The following ACADVL variants were observed in gnomAD, a reference collection of about 807,000 sequenced individuals.
ACADVL encodes the protein acyl-CoA dehydrogenase very long chain, also known as very long-chain acyl-CoA dehydrogenase, mitochondrial.
In ACADVL, 73 loss-of-function variants were observed where a neutral mutation model predicts 80.4. The ratio of observed to expected loss-of-function variants is 0.91; its 90% CI spans 0.75 to 1.10. The LOEUF (loss-of-function observed/expected upper bound fraction) is 1.10, where lower values mean the gene tolerates loss of function less well. Among genes scored for constraint, ACADVL ranks in the 50% least tolerant of loss-of-function variants. The probability of loss-of-function intolerance (pLI) is 0.00; values close to 1 mark genes in which losing one functional copy is unlikely to be tolerated. For synonymous variants in ACADVL, 392 were observed against 326.5 expected (o/e 1.20, Z -2.16); for missense variants, 878 against 858.9 (o/e 1.02, Z -0.28).
chr17:7,217,801 G>T, upstream of ACADVL: 1 of 1,535,324 alleles, frequency 6.5e-7, no homozygotes, highest in South Asian at 1.2e-5. Flanking sequence ...CACCAGCGAT[G>T]ACAGCAAAGA....
upstream of ACADVL, chr17:7,217,573 A>G (rs2070987271): frequency 1.5e-5 from 19 of 1,308,540 alleles, no homozygotes; most frequent in South Asian, 2.6e-4. Context: ...GGGGGGTTGG[A>G]AACGGCAGCG....
Position 7,222,529 on chromosome 17 carries a change from A to AG in ACADVL, c.879-134dup. 3.4e-6 allele frequency: 4 copies of AG among 1,174,286 alleles called. No individual in the cohort carries two copies. In the South Asian group the frequency reaches 5.4e-5, roughly 16 times the overall value. The allele number at this position is 1,174,286 out of a possible 1,614,324, so 72.7% of individuals were successfully genotyped here. A position where few individuals can be genotyped will look rare whatever the true frequency, so the allele number is the denominator to read the frequency against. The stretch of plus-strand genomic sequence containing the variant: ...AGGCCTCCTTAGCCCTCAGGGCCTG[A>AG]GGGGAAGTGGTGGCTGTAGCCTCTA... On this transcript the variant is annotated intron_variant, in intron 9 of 19. Coordinates refer to ENST00000356839, the MANE Select transcript of ACADVL (RefSeq NM_000018.4).
Position 7,223,858 on chromosome 17 carries a change from G to A in ACADVL, c.1315G>A (p.Gly439Ser). The A allele has an allele frequency of 6.2e-7, 1 of 1,614,084 alleles. No individual in the cohort carries two copies. Among genetic ancestry groups the A allele is most frequent in the African/African-American group, 1.3e-5 (1 of 75,028 alleles). ...VTDECIQIMG[G>S]MGFMKEPGVE... Reference sequence around the variant, plus strand: ...AGATGAATGCATCCAAATCATGGGGGGTATGGGCTTCATGAAGGTACAGGA... The same window carrying A: ...AGATGAATGCATCCAAATCATGGGGAGTATGGGCTTCATGAAGGTACAGGA... The change falls in exon 13 of 20, where the codon GGT becomes AGT. Residue 439 changes from glycine to serine, a missense_variant. Coordinates refer to ENST00000356839, the MANE Select transcript of ACADVL (RefSeq NM_000018.4).
chr17:7,221,207 TAACAC>T, intron 6 of ACADVL, 149 bp downstream of exon 6: 2 of 1,343,734 alleles, frequency 1.5e-6, no homozygotes, highest in Non-Finnish European at 2.1e-6. Flanking sequence ...TGTCCAAACA[TAACAC>T]AATTTACATG....
intron 9 of ACADVL, 57 bp downstream of exon 9, chr17:7,222,359 G>A: frequency 6.3e-7 from 1 of 1,595,966 alleles, no homozygotes; most frequent in East Asian, 2.2e-5. Flanking sequence ...GGGCTCCTGG[G>A]CAGATGGCTG....
In ACADVL at chr17:7,220,921, C is replaced by T. The variant is rs745623816; in HGVS notation, c.343-3C>T. On this transcript the variant is annotated splice_polypyrimidine_tract_variant and splice_region_variant and intron_variant, in intron 5 of 19. Coordinates refer to ENST00000356839, the MANE Select transcript of ACADVL (RefSeq NM_000018.4). Reference sequence around the variant, plus strand: ...TGGATGTGGGATCCTGTGCCTTCCCCAGGAAGTGAACGATCCCGCCAAGAA... The same window carrying T: ...TGGATGTGGGATCCTGTGCCTTCCCTAGGAAGTGAACGATCCCGCCAAGAA... 1.2e-6 allele frequency: 2 copies of T among 1,614,080 alleles called. No homozygotes were observed. Among genetic ancestry groups the T allele is most frequent in the Non-Finnish European group, 1.7e-6 (2 of 1,180,036 alleles).
At chr17:7,223,306 C>T (rs1272003833) in intron 11 of ACADVL, 69 bp downstream of exon 11, 1 of 1,411,684 alleles carries the variant, frequency 7.1e-7, no homozygotes, top group South Asian at 1.2e-5. Flanking sequence ...AGACTACAAC[C>T]CCCAGCAGCA....
chr17:7,222,362 G>A, intron 9 of ACADVL, 60 bp downstream of exon 9: 1 of 1,593,980 alleles, frequency 6.3e-7, no homozygotes, highest in Non-Finnish European at 8.6e-7. Context: ...CTCCTGGGCA[G>A]ATGGCTGTTG....
intron 10 of ACADVL, 43 bp downstream of exon 10, chr17:7,222,908 C>T (rs1335882603): frequency 6.2e-7 from 1 of 1,600,244 alleles, no homozygotes; most frequent in South Asian, 1.1e-5. Flanking sequence ...AAACAGAAGT[C>T]TCACTGTCCC....
chr17:7,218,637 G>GTAA (rs769269234), upstream of ACADVL: 4 of 1,560,082 alleles, frequency 2.6e-6, no homozygotes, highest in Non-Finnish European at 3.5e-6. Context: ...GCTGACCTGG[G>GTAA]AGCTAGTGAG....
intron 12 of ACADVL, 29 bp from the exon 13 acceptor site, chr17:7,223,784 A>G: frequency 1.2e-6 from 2 of 1,614,122 alleles, no homozygotes; most frequent in Non-Finnish European, 8.5e-7. Flanking sequence ...CAGCTCCCAA[A>G]ACCAGTCTCA....
upstream of ACADVL, chr17:7,217,422 C>CG: frequency 7.5e-6 from 1 of 133,698 alleles, no homozygotes; most frequent in Non-Finnish European, 1.2e-5. Context: ...GCGGGGGCAC[C>CG]GGGGGCTGGC....
At position 7,222,320 on chromosome 17, in the gene ACADVL, G is replaced by T. The variant is rs769210195; in HGVS notation, c.878+18G>T. 1.2e-5 allele frequency: 20 copies of T among 1,612,932 alleles called. No individual in the cohort carries two copies. The highest frequency in any genetic ancestry group is 1.5e-5 in the Non-Finnish European group (18 of 1,179,486). ...ATTACCCAGTGAGTGAATTTGGGTT[G>T]GGGGAGCTTAGGACTGAGGGGCAGG... On this transcript the variant is annotated intron_variant, in intron 9 of 19. Coordinates refer to ENST00000356839, the MANE Select transcript of ACADVL (RefSeq NM_000018.4).
upstream of ACADVL, chr17:7,218,841 C>T: frequency 6.2e-7 from 1 of 1,613,840 alleles, no homozygotes; most frequent in South Asian, 1.1e-5. Context: ...CTCTTGGTCT[C>T]TGGGACATCT....
upstream of ACADVL, chr17:7,217,587 G>A (rs1034877352): frequency 1.3e-5 from 18 of 1,388,288 alleles, no homozygotes; most frequent in Admixed American, 2.3e-4. Flanking sequence ...GGCAGCGGCC[G>A]AGGGAGCCGT....
At position 7,224,973 on chromosome 17, in the gene ACADVL, G is replaced by T. The variant is rs148584617; in HGVS notation, c.1844G>T (p.Arg615Leu). ...TCTCCCCAGGCTGCAGCTCGGATCC[G>T]AGAGGGCATGGCCGCCCTGCAGTCT... The part of the protein sequence containing the change: ...TWCIEAAARI[R>L]EGMAALQSDP... Residue 615 changes from arginine (R) to leucine (L), a missense_variant, in exon 20 of 20, where the codon CGA (arginine) becomes CTA (leucine). Physicochemically the swap from Arg to Leu is moderately radical, Grantham distance 102. Coordinates refer to ENST00000356839, the MANE Select transcript of ACADVL (RefSeq NM_000018.4). 1 of 1,614,080 alleles carries T rather than the reference G, an allele frequency of 6.2e-7. No homozygotes were observed. Among genetic ancestry groups the T allele is most frequent in the South Asian group, 1.1e-5 (1 of 91,088 alleles).
chr17:7,224,752 G>GC, intron 18 of ACADVL, 38 bp downstream of exon 18: 1 of 1,612,708 alleles, frequency 6.2e-7, no homozygotes, highest in South Asian at 1.1e-5. Context: ...GCCGCAGGGG[G>GC]CCTGGGCCTG....
chr17:7,224,917 G>A, intron 19 of ACADVL, 33 bp downstream of exon 19: 1 of 1,614,050 alleles, frequency 6.2e-7, no homozygotes, highest in Non-Finnish European at 8.5e-7. Flanking sequence ...TCAGGTGAGG[G>A]CTGGAGGTGC....
Position 7,221,992 on chromosome 17 carries a change from C to T in ACADVL, c.663C>T (p.Ser221=), listed in dbSNP as rs144255994. 373 of 1,614,076 alleles carry T rather than the reference C, an allele frequency of 2.3e-4. No homozygotes were observed. In the African/African-American group the frequency reaches 3.5e-3, roughly 15 times the overall value. Residue 221 remains serine (S), a synonymous_variant, in exon 8 of 20, where the codon AGC becomes AGT. Coordinates refer to ENST00000356839, the MANE Select transcript of ACADVL (RefSeq NM_000018.4). ...CTTTCTGTCTAACCGAGCCCTCAAG[C>T]GGGTCAGATGCAGCCTCCATCCGAA... ...VAAFCLTEPS[S]GSDAASIRTS...
Sources: gnomAD v4.1 joint callset for allele counts on GRCh38, gnomAD v4.1.1 for gene constraint, MANE v1.5 for transcripts, NCBI Gene and HGNC (gene_info 2026-07-23, HGNC 2026-07-21) for gene names.